The following CSMD1 variants were observed in gnomAD, a reference collection of about 807,000 sequenced individuals.
The protein encoded by CSMD1 is CUB and Sushi multiple domains 1.
In CSMD1, 213 loss-of-function variants were observed where a neutral mutation model predicts 417.5. That is an observed-to-expected ratio of 0.51 (90% CI 0.46 to 0.57). The LOEUF (loss-of-function observed/expected upper bound fraction) is 0.57. Among genes scored for constraint, CSMD1 ranks in the 20% least tolerant of loss-of-function variants. The probability of loss-of-function intolerance (pLI) is 0.00; values close to 1 mark genes in which losing one functional copy is unlikely to be tolerated. For synonymous variants in CSMD1, 2,862 were observed against 1,736.8 expected, an observed-to-expected ratio of 1.65 and a Z score of -16.11; for missense variants, 6,923 against 4,529.7, an observed-to-expected ratio of 1.53 and a Z score of -15.17.
rs185560550 is a variant in CSMD1, at chr8:4,940,516, T to G, written c.85+53816A>C. Among the ~76,000 whole-genome samples the G allele has an allele frequency of 2.0e-3, 310 of 152,344 alleles. 1 individual carries two copies. The highest frequency in any genetic ancestry group is 0.013 in the South Asian group (65 of 4,826). ...TGTTTGCTAACCTAGGCACTTGAAT[T>G]AGCTTTGCAGAAATCAAACTGAAAA... is the stretch of plus-strand genomic sequence containing the variant. On this transcript the variant is annotated intron_variant, in intron 1 of 69. Coordinates refer to ENST00000635120, the MANE Select transcript of CSMD1 (RefSeq NM_033225.6).
At chr8:3,533,477 T>C (rs977841598) in intron 10 of CSMD1, among the ~76,000 whole-genome samples, 2 of 152,188 alleles carry the variant, frequency 1.3e-5, no homozygotes, top group South Asian at 4.2e-4. Flanking sequence ...AGTGGAATCA[T>C]GAAGTATTTG....
At chr8:3,290,053 A>T (rs1366974087) in intron 25 of CSMD1, among the ~76,000 whole-genome samples, 1 of 147,236 alleles carries the variant, frequency 6.8e-6, no homozygotes, top group Non-Finnish European at 1.5e-5. Context: ...ATGGCTAGCC[A>T]GTTTTCCCAG....
chr8:3,693,725 G>C (rs77270272), intron 7 of CSMD1, among the ~76,000 whole-genome samples: 3,950 of 152,178 alleles, frequency 0.026, 168 homozygotes, highest in African/African-American at 0.089. Context: ...TGTGTTGTGT[G>C]TGTTATGCTT....
intron 4 of CSMD1, among the ~76,000 whole-genome samples, chr8:3,998,830 A>G (rs1424753390): frequency 6.6e-6 from 1 of 151,060 alleles, no homozygotes; most frequent in African/African-American, 2.4e-5. Flanking sequence ...CATTTATTTT[A>G]TCTATTACAA....
intron 5 of CSMD1, among the ~76,000 whole-genome samples, chr8:3,917,416 AACACACACACAC>A (rs56102573): frequency 6.7e-6 from 1 of 150,198 alleles, no homozygotes; most frequent in African/African-American, 2.4e-5. Flanking sequence ...TATACCACGA[AACACACACACAC>A]ACACACACAC....
intron 6 of CSMD1, among the ~76,000 whole-genome samples, chr8:3,716,967 T>A (rs572978044): frequency 1.3e-5 from 2 of 152,210 alleles, no homozygotes; most frequent in Admixed American, 6.5e-5. Flanking sequence ...ACTCCTACAA[T>A]CATTTACAAA....
chr8:3,562,595 A>C (rs1415400093), intron 10 of CSMD1, among the ~76,000 whole-genome samples: 4 of 152,184 alleles, frequency 2.6e-5, no homozygotes, highest in African/African-American at 9.6e-5. Flanking sequence ...TTTTTAACTC[A>C]GTAAAATTTT....
chr8:4,788,322 G>C (rs1797518459), intron 1 of CSMD1: 5 of 1,567,856 alleles, frequency 3.2e-6, no homozygotes, highest in Middle Eastern at 1.8e-4. Flanking sequence ...TTTGGGACCA[G>C]TGATGTCTGG....
At chr8:4,444,623 C>A (rs1334332924) in intron 2 of CSMD1, among the ~76,000 whole-genome samples, 1 of 152,084 alleles carries the variant, frequency 6.6e-6, no homozygotes, top group African/African-American at 2.4e-5. Context: ...TAGATGCCAT[C>A]TGTAAACATG....
chr8:4,220,924 T>G (rs181424719), intron 3 of CSMD1, among the ~76,000 whole-genome samples: 2 of 152,192 alleles, frequency 1.3e-5, no homozygotes, highest in African/African-American at 4.8e-5. Flanking sequence ...TGATAGAACA[T>G]GTGTGTGCAC....
intron 2 of CSMD1, among the ~76,000 whole-genome samples, chr8:4,490,059 T>C (rs1304705062): frequency 1.9e-5 from 2 of 106,990 alleles, no homozygotes; most frequent in Non-Finnish European, 3.9e-5. Context: ...TTTTTTTTTT[T>C]CAGACCGAGT....
intron 12 of CSMD1, among the ~76,000 whole-genome samples, chr8:3,453,168 C>T (rs1002409272): frequency 1.3e-5 from 2 of 151,836 alleles, no homozygotes; most frequent in Non-Finnish European, 2.9e-5. Context: ...GTGATATCCC[C>T]TTCATTTTTT....
intron 5 of CSMD1, among the ~76,000 whole-genome samples, chr8:3,871,566 T>C (rs961442772): frequency 6.6e-5 from 10 of 152,214 alleles, no homozygotes; most frequent in South Asian, 4.1e-4. Flanking sequence ...TTATTATTAT[T>C]GATTCATAAT....
chr8:3,890,007 T>C (rs1806847998), intron 5 of CSMD1, among the ~76,000 whole-genome samples: 1 of 152,070 alleles, frequency 6.6e-6, no homozygotes, highest in African/African-American at 2.4e-5. Context: ...TATAGGGAGA[T>C]CCCTTCTCAA....
intron 28 of CSMD1, among the ~76,000 whole-genome samples, chr8:3,222,181 G>C: frequency 6.6e-6 from 1 of 152,096 alleles, no homozygotes; most frequent in East Asian, 1.9e-4. Context: ...GAGATTATCT[G>C]TTTCAAACTT....
intron 5 of CSMD1, among the ~76,000 whole-genome samples, chr8:3,981,619 T>C (rs781299862): frequency 6.6e-6 from 1 of 152,090 alleles, no homozygotes; most frequent in Non-Finnish European, 1.5e-5. Flanking sequence ...TAGAGCAGTA[T>C]TGTTCCCTTT....
At chr8:3,156,983 A>G (rs1229979124) in intron 39 of CSMD1, among the ~76,000 whole-genome samples, 1 of 135,780 alleles carries the variant, frequency 7.4e-6, no homozygotes, top group Non-Finnish European at 1.6e-5. Flanking sequence ...TTTGTTGTTT[A>G]GACAAAAAAA....
At position 4,359,936 on chromosome 8, in the gene CSMD1, T is replaced by C. The variant is rs576230369; in HGVS notation, c.415+60017A>G. On this transcript the variant is annotated intron_variant, in intron 3 of 69. Coordinates refer to ENST00000635120, the MANE Select transcript of CSMD1 (RefSeq NM_033225.6). ...AAAACATCAACGTTCAGTGAAAGAA[T>C]GCTTCCCTACTGGAGATCTTCCACA... is the stretch of plus-strand genomic sequence containing the variant. Among the ~76,000 whole-genome samples, 5 of 152,302 alleles carry C rather than the reference T, an allele frequency of 3.3e-5. No homozygotes were observed. The East Asian group carries it at 7.7e-4, about 24-fold the overall frequency.
chr8:4,327,463 C>T (rs892198864), intron 3 of CSMD1, among the ~76,000 whole-genome samples: 1 of 152,114 alleles, frequency 6.6e-6, no homozygotes, highest in Non-Finnish European at 1.5e-5. Flanking sequence ...AGGTTGCTGC[C>T]TGTAGGTAAC....
Sources: gnomAD v4.1 joint callset for allele counts (sites outside exome capture counted in the v4.1 genomes callset) on GRCh38, gnomAD v4.1.1 for gene constraint, MANE v1.5 for transcripts, NCBI Gene and HGNC (gene_info 2026-07-23, HGNC 2026-07-21) for gene names.